TMEM232: variants seen among roughly 807,000 people sequenced by gnomAD.
TMEM232 encodes transmembrane protein 232.
In TMEM232, 80 loss-of-function variants were observed where a neutral mutation model predicts 78.8. That is an observed-to-expected ratio of 1.01 (90% CI 0.85 to 1.22). The LOEUF (loss-of-function observed/expected upper bound fraction) is 1.22, where lower values mean the gene tolerates loss of function less well. Among genes scored for constraint, TMEM232 ranks in the 50% most tolerant of loss-of-function variants. The pLI, the probability that TMEM232 is intolerant of heterozygous loss-of-function variation, is 0.00. For missense variants in TMEM232, 881 were observed against 742.2 expected (o/e 1.19, Z -2.17); for synonymous variants, 297 against 254.3 (o/e 1.17, Z -1.60).
chr5:110,583,255 AAGGCTACATAAATT>A (rs1406368002), intron 10 of TMEM232, among the ~76,000 whole-genome samples: 2 of 152,126 alleles, frequency 1.3e-5, no homozygotes, highest in African/African-American at 4.8e-5. Context: ...AGTATACTTC[AAGGCTACATAAATT>A]AAAACAGTAC....
chr5:110,555,379 T>A (rs1395749098), intron 11 of TMEM232, among the ~76,000 whole-genome samples: 1 of 152,164 alleles, frequency 6.6e-6, no homozygotes, highest in African/African-American at 2.4e-5. Flanking sequence ...ATAATTGGTA[T>A]GATTTTGTAC....
chr5:110,696,202 T>C (rs1468887927), intron 1 of TMEM232, among the ~76,000 whole-genome samples: 2 of 151,828 alleles, frequency 1.3e-5, no homozygotes, highest in Non-Finnish European at 2.9e-5. Flanking sequence ...AAGACAAAAA[T>C]CACATGATTA....
chr5:110,708,047 C>CT (rs1177801769), intron 1 of TMEM232, among the ~76,000 whole-genome samples: 2 of 152,104 alleles, frequency 1.3e-5, no homozygotes, highest in Non-Finnish European at 2.9e-5. Context: ...GGGTGAGACT[C>CT]TAAGACATGC....
At chr5:110,576,991 G>A (rs967187426) in intron 10 of TMEM232, among the ~76,000 whole-genome samples, 3 of 151,858 alleles carry the variant, frequency 2.0e-5, no homozygotes, top group African/African-American at 4.8e-5. Flanking sequence ...AAGTCATGAC[G>A]AAGATACCAA....
upstream of TMEM232, among the ~76,000 whole-genome samples, chr5:110,727,370 G>A (rs1295246859): frequency 6.6e-6 from 1 of 152,190 alleles, no homozygotes; most frequent in Non-Finnish European, 1.5e-5. Flanking sequence ...CCAGCACTTT[G>A]GGAGGCCAAG....
intron 11 of TMEM232, among the ~76,000 whole-genome samples, chr5:110,534,182 C>G (rs1332590672): frequency 6.6e-6 from 1 of 152,168 alleles, no homozygotes; most frequent in African/African-American, 2.4e-5. Flanking sequence ...CATTTCTTCC[C>G]TTCTGTCAGA....
intron 2 of TMEM232, among the ~76,000 whole-genome samples, chr5:110,656,963 T>A (rs1006835911): frequency 3.3e-5 from 5 of 152,218 alleles, no homozygotes; most frequent in South Asian, 2.1e-4. Context: ...ATTTATGGGA[T>A]AAAATGTGAT....
intron 10 of TMEM232, among the ~76,000 whole-genome samples, chr5:110,582,864 A>G (rs1008196649): frequency 6.6e-6 from 1 of 152,048 alleles, no homozygotes; most frequent in African/African-American, 2.4e-5. Context: ...CTATACACTA[A>G]TAACAAACTA....
chr5:110,557,357 T>C (rs1445663330), intron 11 of TMEM232, among the ~76,000 whole-genome samples: 3 of 152,228 alleles, frequency 2.0e-5, no homozygotes, highest in African/African-American at 7.2e-5. Context: ...ATTCAGATTC[T>C]GAATTCTATC....
chr5:110,474,533 T>C (rs948403266), intron 12 of TMEM232, among the ~76,000 whole-genome samples: 1 of 151,896 alleles, frequency 6.6e-6, no homozygotes, highest in African/African-American at 2.4e-5. Flanking sequence ...CACTTCTATC[T>C]AACTATAAAT....
chr5:110,700,791 T>C (rs1338241952), intron 1 of TMEM232, among the ~76,000 whole-genome samples: 1 of 125,924 alleles, frequency 7.9e-6, no homozygotes, highest in East Asian at 2.5e-4. Flanking sequence ...GATAGGTAGA[T>C]AGATAGATAG....
chr5:110,521,598 T>C (rs937493291), intron 12 of TMEM232, among the ~76,000 whole-genome samples: 1 of 152,178 alleles, frequency 6.6e-6, no homozygotes, highest in Non-Finnish European at 1.5e-5. Flanking sequence ...TCTTACTTAA[T>C]TTAAGTCTTT....
intron 2 of TMEM232, among the ~76,000 whole-genome samples, chr5:110,656,859 A>G (rs1044611406): frequency 2.6e-5 from 4 of 152,036 alleles, no homozygotes; most frequent in African/African-American, 9.7e-5. Flanking sequence ...AAGAAAAAAA[A>G]GAAAGAAAAT....
At chr5:110,524,363 A>AAAAGAAAG (rs756039290) in intron 12 of TMEM232, among the ~76,000 whole-genome samples, 221 of 120,378 alleles carry the variant, frequency 1.8e-3, no homozygotes, top group Middle Eastern at 4.1e-3. Flanking sequence ...AAGAAAGAAA[A>AAAAGAAAG]AAAGAAAGAA....
At chr5:110,474,940 A>G (rs1381946506) in intron 12 of TMEM232, among the ~76,000 whole-genome samples, 2 of 152,006 alleles carry the variant, frequency 1.3e-5, no homozygotes, top group Non-Finnish European at 2.9e-5. Context: ...TCAATATAGT[A>G]TTGAAACAAT....
At chr5:110,589,377 C>T (rs1216628535) in intron 10 of TMEM232, among the ~76,000 whole-genome samples, 1 of 152,088 alleles carries the variant, frequency 6.6e-6, no homozygotes, top group East Asian at 1.9e-4. Flanking sequence ...ATATGGGCCA[C>T]ACATGATATA....
rs550688669 is a variant in TMEM232, at chr5:110,734,986, C to A, written c.-96G>T. Reference sequence around the variant, plus strand: ...CAGATTGCTTGAGCCAGTTCAAGACCAGCCTTGGCAACACAGTGATGCCCT... The same window carrying A: ...CAGATTGCTTGAGCCAGTTCAAGACAAGCCTTGGCAACACAGTGATGCCCT... On this transcript the variant is annotated 5_prime_UTR_variant, in exon 2 of 5. Transcript: ENST00000512886. 5 of 152,238 alleles carry A rather than the reference C, an allele frequency of 3.3e-5. No individual in the cohort carries two copies. In the South Asian group the frequency reaches 1.0e-3, roughly 32 times the overall value. 9.4% of individuals were successfully genotyped at this position (152,238 alleles called of 1,614,324 possible). A position where few individuals can be genotyped will look rare whatever the true frequency, so the allele number is the denominator to read the frequency against.
At position 110,553,893 on chromosome 5, in the gene TMEM232, C is replaced by T. The variant is rs145832681; in HGVS notation, c.1455+14554G>A. 2.8e-3 allele frequency among the ~76,000 whole-genome samples: 430 copies of T among 152,114 alleles called. 1 individual carries two copies. The highest frequency in any genetic ancestry group is 7.7e-3 in the Admixed American group (117 of 15,262). On this transcript the variant is annotated intron_variant, in intron 11 of 13. Transcript: ENST00000455884. ...TTATTTTGAGGTATGTGCTTCAATTCCTTGTTTGTTGAGGGTTCCTAACAT... is the reference window on the plus strand; with the variant it reads ...TTATTTTGAGGTATGTGCTTCAATTTCTTGTTTGTTGAGGGTTCCTAACAT...
intron 3 of TMEM232, among the ~76,000 whole-genome samples, chr5:110,392,169 T>C (rs1755220463): frequency 5.9e-5 from 9 of 152,138 alleles, no homozygotes; most frequent in Admixed American, 4.6e-4. Flanking sequence ...CAACTTGGGG[T>C]TGCTAACAAT....
Sources: gnomAD v4.1 joint callset for allele counts (sites outside exome capture counted in the v4.1 genomes callset) on GRCh38, gnomAD v4.1.1 for gene constraint, MANE v1.5 for transcripts, NCBI Gene and HGNC (gene_info 2026-07-23, HGNC 2026-07-21) for gene names.